CCDC6: variants seen among roughly 807,000 people sequenced by gnomAD.
The protein encoded by CCDC6 is coiled-coil domain containing 6, also known as coiled-coil domain-containing protein 6.
In CCDC6, 20 loss-of-function variants were observed where a neutral mutation model predicts 56.6. The ratio of observed to expected loss-of-function variants is 0.35; its 90% confidence interval spans 0.25 to 0.51. CCDC6 has a LOEUF of 0.51. Among genes scored for constraint, CCDC6 ranks in the 20% least tolerant of loss-of-function variants. The pLI is 0.95. For synonymous variants in CCDC6, 241 were observed against 234.4 expected (o/e 1.03, Z -0.26); for missense variants, 367 against 601.1 (o/e 0.61, Z 4.07).
At chr10:59,895,206 G>A (rs1279519091) in intron 1 of CCDC6, among the ~76,000 whole-genome samples, 1 of 152,216 alleles carries the variant, frequency 6.6e-6, no homozygotes, top group East Asian at 1.9e-4. Flanking sequence ...GGAAGCTGAG[G>A]TGGGAGGATC....
chr10:59,809,650 T>C (rs1004576636), intron 5 of CCDC6, among the ~76,000 whole-genome samples: 1 of 152,200 alleles, frequency 6.6e-6, no homozygotes, highest in East Asian at 1.9e-4. Context: ...GGGCCACAGC[T>C]TATATTTCCC....
At chr10:59,870,357 AG>A (rs1196956002) in intron 1 of CCDC6, among the ~76,000 whole-genome samples, 2 of 152,148 alleles carry the variant, frequency 1.3e-5, no homozygotes, top group African/African-American at 4.8e-5. Context: ...CTGCTCTTGG[AG>A]GAGCTCAGAG....
intron 5 of CCDC6, among the ~76,000 whole-genome samples, chr10:59,807,775 T>C (rs2070638839): frequency 6.6e-6 from 1 of 152,098 alleles, no homozygotes; most frequent in Non-Finnish European, 1.5e-5. Flanking sequence ...ATTCTGCCCA[T>C]GGGCTCTGCT....
chr10:59,814,766 GA>G lies in CCDC6; in HGVS notation c.583-12del. 1 of 1,560,292 alleles carries G rather than the reference GA, an allele frequency of 6.4e-7. No homozygotes were observed. The highest frequency in any genetic ancestry group is 8.8e-7 in the Non-Finnish European group (1 of 1,132,898). On this transcript the variant is annotated splice_polypyrimidine_tract_variant and intron_variant, in intron 3 of 8. Transcript: ENST00000263102. ...CTTCTCCCGTCTCAACTAAAGGAAG[GA>G]AAAAAGTGTTACCAAAGTGTCAGGC...
At chr10:59,796,742 C>T (rs2070522809) in intron 7 of CCDC6, among the ~76,000 whole-genome samples, 1 of 152,004 alleles carries the variant, frequency 6.6e-6, no homozygotes, top group Non-Finnish European at 1.5e-5. Flanking sequence ...CTGAGGCAGG[C>T]AGGTCACAAG....
intron 1 of CCDC6, among the ~76,000 whole-genome samples, chr10:59,899,577 C>G (rs1000158037): frequency 6.6e-5 from 10 of 152,216 alleles, no homozygotes; most frequent in African/African-American, 2.4e-4. Context: ...CTACAGGTCA[C>G]CAGTATTTAT....
At chr10:59,880,585 T>C (rs762315096) in intron 1 of CCDC6, among the ~76,000 whole-genome samples, 24 of 152,206 alleles carry the variant, frequency 1.6e-4, no homozygotes, top group Non-Finnish European at 3.4e-4. Context: ...AAGTTACACA[T>C]GTGCCTTCAA....
At chr10:59,840,208 C>T (rs1289742731) in intron 2 of CCDC6, among the ~76,000 whole-genome samples, 1 of 152,146 alleles carries the variant, frequency 6.6e-6, no homozygotes, top group Non-Finnish European at 1.5e-5. Context: ...ATGATATATA[C>T]CCAGGAGAGA....
At chr10:59,877,413 G>A (rs1404093683) in intron 1 of CCDC6, among the ~76,000 whole-genome samples, 1 of 152,170 alleles carries the variant, frequency 6.6e-6, no homozygotes, top group African/African-American at 2.4e-5. Context: ...TTAGGGCTAG[G>A]TTCCAAGGTT....
intron 1 of CCDC6, among the ~76,000 whole-genome samples, chr10:59,858,147 A>G (rs1271529462): frequency 6.6e-6 from 1 of 152,186 alleles, no homozygotes; most frequent in East Asian, 1.9e-4. Context: ...TAGGTAACAG[A>G]TGACACAGAG....
rs1291009166 is a variant in CCDC6 at position 59,790,176 on chromosome 10, G to A, written c.*2741C>T. On this transcript the variant is annotated 3_prime_UTR_variant, in exon 9 of 9. Coordinates refer to ENST00000263102, the MANE Select transcript of CCDC6 (RefSeq NM_005436.5). Reference sequence around the variant, plus strand: ...AAGTTAATTTGGTTTTGTATAAAAGGCATGGTAATCTGGCAACAGAGTACT... The same window carrying A: ...AAGTTAATTTGGTTTTGTATAAAAGACATGGTAATCTGGCAACAGAGTACT... The A allele has an allele frequency of 2.3e-5, 5 of 216,256 alleles. No homozygotes were observed. In the South Asian group the frequency reaches 9.3e-4, roughly 40 times the overall value. The allele number at this position is 216,256 out of a possible 1,614,324, so 13.4% of individuals were successfully genotyped here. A position where few individuals can be genotyped will look rare whatever the true frequency, so the allele number is the denominator to read the frequency against.
At chr10:59,815,519 T>TG in intron 3 of CCDC6, among the ~76,000 whole-genome samples, 1 of 152,192 alleles carries the variant, frequency 6.6e-6, no homozygotes, top group African/African-American at 2.4e-5. Context: ...TTCCTTTTAG[T>TG]GGGGGTCAAG....
chr10:59,893,894 C>A (rs1347135648), intron 1 of CCDC6, among the ~76,000 whole-genome samples: 1 of 152,098 alleles, frequency 6.6e-6, no homozygotes, highest in African/African-American at 2.4e-5. Flanking sequence ...CTGCTGTGTT[C>A]AATCCCCTGC....
rs562475549 is a variant in CCDC6, at chr10:59,789,589, A to C, written c.*3328T>G. On this transcript the variant is annotated 3_prime_UTR_variant, in exon 9 of 9. Coordinates refer to ENST00000263102, the MANE Select transcript of CCDC6 (RefSeq NM_005436.5). ...GCTGGCTCTTTAACAATTTGGAAAT[A>C]AAAGGTTGTTTTACTATGTATTTCT... 1 of 231,746 alleles carries C rather than the reference A, an allele frequency of 4.3e-6. No individual in the cohort carries two copies. The highest frequency in any genetic ancestry group is 2.2e-5 in the African/African-American group (1 of 45,354). 14.4% of individuals were successfully genotyped at this position (231,746 alleles called of 1,614,324 possible). A position where few individuals can be genotyped will look rare whatever the true frequency, so the allele number is the denominator to read the frequency against.
chr10:59,792,312 G>C lies in CCDC6; in HGVS notation c.*605C>G, dbSNP rs1177808263. The C allele has an allele frequency of 2.7e-6, 1 of 364,876 alleles. No homozygotes were observed. The highest frequency in any genetic ancestry group is 5.1e-6 in the Non-Finnish European group (1 of 195,344). The allele number at this position is 364,876 out of a possible 1,614,324, so 22.6% of individuals were successfully genotyped here. Reference sequence around the variant, plus strand: ...ACTTTGGGCCATCTGTTTTACGAGAGACATGGATGTCAATAACACAATGAA... The same window carrying C: ...ACTTTGGGCCATCTGTTTTACGAGACACATGGATGTCAATAACACAATGAA... On this transcript the variant is annotated 3_prime_UTR_variant, in exon 9 of 9. Coordinates refer to ENST00000263102, the MANE Select transcript of CCDC6 (RefSeq NM_005436.5).
chr10:59,903,416 C>T (rs1426085466), intron 1 of CCDC6, among the ~76,000 whole-genome samples: 1 of 152,086 alleles, frequency 6.6e-6, no homozygotes, highest in South Asian at 2.1e-4. Flanking sequence ...AATCTCTGTA[C>T]TTTATGTTCA....
chr10:59,802,245 T>A (rs376453092), intron 7 of CCDC6, among the ~76,000 whole-genome samples: 2 of 152,212 alleles, frequency 1.3e-5, no homozygotes, highest in Non-Finnish European at 2.9e-5. Context: ...ATTTTCAATA[T>A]GTAATTGCCA....
At chr10:59,839,088 T>C (rs997622678) in intron 2 of CCDC6, among the ~76,000 whole-genome samples, 3 of 152,248 alleles carry the variant, frequency 2.0e-5, no homozygotes, top group African/African-American at 4.8e-5. Context: ...CACTTGATGG[T>C]TGAATCTTCA....
intron 7 of CCDC6, among the ~76,000 whole-genome samples, chr10:59,796,422 T>A (rs562439004): frequency 2.2e-4 from 33 of 151,978 alleles, no homozygotes; most frequent in African/African-American, 7.5e-4. Context: ...AATTTGTAGG[T>A]TGTATAAAAG....
Sources: gnomAD v4.1 joint callset for allele counts (sites outside exome capture counted in the v4.1 genomes callset) on GRCh38, gnomAD v4.1.1 for gene constraint, MANE v1.5 for transcripts, NCBI Gene and HGNC (gene_info 2026-07-23, HGNC 2026-07-21) for gene names.